Variants in BICRA observed in about 807,000 individuals in gnomAD.
BICRA encodes the protein BRD4 interacting chromatin remodeling complex associated protein, also known as BRD4-interacting chromatin-remodeling complex-associated protein.
BICRA carries 31 observed loss-of-function variants against 96.9 expected under a neutral mutation model. The observed-to-expected ratio is 0.32, with a 90% confidence interval of 0.24 to 0.43. The LOEUF (loss-of-function observed/expected upper bound fraction) is 0.43, where lower values mean the gene tolerates loss of function less well. Among genes scored for constraint, BICRA ranks in the 20% least tolerant of loss-of-function variants. BICRA has a pLI of 1.00. For missense variants in BICRA, 2,283 were observed against 2,190.3 expected (o/e 1.04, Z -0.84); for synonymous variants, 1,350 against 1,071.8 (o/e 1.26, Z -5.07).
chr19:47,645,673 C>G (rs1377720410), intron 1 of BICRA, among the ~76,000 whole-genome samples: 1 of 152,230 alleles, frequency 6.6e-6, no homozygotes, highest in Admixed American at 6.5e-5. Flanking sequence ...GTAATCCTGT[C>G]ACTCCTGGGG....
chr19:47,630,915 T>G (rs1972212718), intron 1 of BICRA, among the ~76,000 whole-genome samples: 1 of 152,104 alleles, frequency 6.6e-6, no homozygotes, highest in Admixed American at 6.6e-5. Context: ...TTGTAGTCTT[T>G]TATTTTTTTT....
At chr19:47,611,518 G>C (rs967921475) in intron 1 of BICRA, among the ~76,000 whole-genome samples, 13 of 152,180 alleles carry the variant, frequency 8.5e-5, no homozygotes, top group African/African-American at 2.9e-4. Flanking sequence ...GGCCCCATTT[G>C]CTGCTACTCA....
At chr19:47,617,718 G>C (rs1972006283) in intron 1 of BICRA, among the ~76,000 whole-genome samples, 1 of 151,264 alleles carries the variant, frequency 6.6e-6, no homozygotes. Context: ...TGAGAAAATA[G>C]CACAACCACC....
intron 7 of BICRA, among the ~76,000 whole-genome samples, chr19:47,687,074 T>C (rs1382872504): frequency 6.6e-6 from 1 of 152,206 alleles, no homozygotes; most frequent in Non-Finnish European, 1.5e-5. Context: ...GCAAACTTTC[T>C]TTTTGCTTAT....
chr19:47,679,965 G>C lies in BICRA; in HGVS notation c.795G>C (p.Ser265=). 1 of 1,489,336 alleles carries C rather than the reference G, an allele frequency of 6.7e-7. No homozygotes were observed. Among genetic ancestry groups the C allele is most frequent in the Non-Finnish European group, 8.9e-7 (1 of 1,126,884 alleles). The allele number at this position is 1,489,336 out of a possible 1,614,324, so 92.3% of individuals were successfully genotyped here. ...TGCCCGTCAGCGGCTACCTGGCCTC[G>C]GCGGCTGGCCCCTCGGAGCCCGTGA... ...KQVPVSGYLA[S]AAGPSEPVTL... is the part of the protein sequence containing the mutation. Residue 265 remains serine (S), a synonymous_variant, in exon 6 of 15, where the codon TCG becomes TCC. Coordinates refer to ENST00000594866, the MANE Select transcript of BICRA (RefSeq NM_001394372.1).
Position 47,632,246 on chromosome 19 carries a change from C to T in BICRA, c.-108+23078C>T, listed in dbSNP as rs115862609. ...GCGAGCATTTAGACTTTGGTGGCCC[C>T]GCCAAGTTGCATTCCAGAAAGGCTT... On this transcript the variant is annotated intron_variant, in intron 1 of 14. Transcript: ENST00000594866. Among the ~76,000 whole-genome samples, 1,274 of 152,340 alleles carry T rather than the reference C, an allele frequency of 8.4e-3. 15 individuals carry two copies. Among genetic ancestry groups the T allele is most frequent in the African/African-American group, 0.029 (1,188 of 41,576 alleles).
chr19:47,666,005 G>A (rs187143600), intron 1 of BICRA, among the ~76,000 whole-genome samples: 2 of 152,184 alleles, frequency 1.3e-5, no homozygotes, highest in African/African-American at 2.4e-5. Context: ...ATCAACAGTG[G>A]CAATTAAAAT....
chr19:47,682,427 A>G (rs1347538360), intron 7 of BICRA, among the ~76,000 whole-genome samples: 1 of 152,298 alleles, frequency 6.6e-6, no homozygotes, highest in African/African-American at 2.4e-5. Flanking sequence ...TGAATAAGTA[A>G]TACATTCAGA....
chr19:47,695,451 C>T lies in BICRA; in HGVS notation c.3163C>T (p.Pro1055Ser). ...TGTGGCCAAGGCCGCTTCCTCCGGGCCAGGGAAGCCCTCCGGGCTGCAGGT... is the reference window on the plus strand; with the variant it reads ...TGTGGCCAAGGCCGCTTCCTCCGGGTCAGGGAAGCCCTCCGGGCTGCAGGT... Reference protein sequence around the residue: ...LNVAKAASSGPGKPSGLQYES... With the variant: ...LNVAKAASSGSGKPSGLQYES... Residue 1055 changes from proline to serine, a missense_variant, in exon 10 of 15, where the codon CCA (proline) becomes TCA (serine). Pro to Ser is a moderately conservative substitution (Grantham distance 74). Coordinates refer to ENST00000594866, the MANE Select transcript of BICRA (RefSeq NM_001394372.1). 6.3e-7 allele frequency: 1 copy of T among 1,580,506 alleles called. No individual in the cohort carries two copies.
chr19:47,673,458 GA>G, intron 2 of BICRA, 111 bp from the exon 3 acceptor site: 1 of 804,696 alleles, frequency 1.2e-6, no homozygotes, highest in Non-Finnish European at 2.2e-6. Flanking sequence ...GGACTCAAGG[GA>G]ACAGAAACTC....
chr19:47,699,150 C>G lies in BICRA; in HGVS notation c.3492+91C>G. ...ACCCGCTCTGGGCAAGGTGGAGCCT[C>G]CCGCCCCTCCTAGCCCCGGGAGGGA... On this transcript the variant is annotated intron_variant, in intron 13 of 14. Coordinates refer to ENST00000594866, the MANE Select transcript of BICRA (RefSeq NM_001394372.1). The surrounding 1 kb of genome is among the most constrained non-coding windows in gnomAD (Gnocchi z 5.0). 3 of 1,011,986 alleles carry G rather than the reference C, an allele frequency of 3.0e-6. No homozygotes were observed. Among genetic ancestry groups the G allele is most frequent in the Middle Eastern group, 2.0e-4 (1 of 4,928 alleles). The allele number at this position is 1,011,986 out of a possible 1,614,324, so 62.7% of individuals were successfully genotyped here.
In BICRA at chr19:47,702,047, C is replaced by T. The variant is rs369242399; in HGVS notation, c.4315C>T (p.Leu1439=). The part of the protein sequence containing the change: ...IRELAAVEDE[L]YQRMLKGPPP... ...CGAGCTGGCGGCCGTGGAGGACGAG[C>T]TGTACCAGCGTATGCTGAAGGGCCC... The change falls in exon 15 of 15, where the codon CTG becomes TTG. Residue 1439 remains leucine, a synonymous_variant. Coordinates refer to ENST00000594866, the MANE Select transcript of BICRA (RefSeq NM_001394372.1). 1,879 of 1,498,546 alleles carry T rather than the reference C, an allele frequency of 1.3e-3. 5 individuals are homozygous for T. The highest frequency in any genetic ancestry group is 1.5e-3 in the Non-Finnish European group (1,668 of 1,132,768). The allele number at this position is 1,498,546 out of a possible 1,614,324, so 92.8% of individuals were successfully genotyped here. A position where few individuals can be genotyped will look rare whatever the true frequency, so the allele number is the denominator to read the frequency against.
chr19:47,690,514 G>C (rs2123601667), intron 7 of BICRA, among the ~76,000 whole-genome samples: 1 of 152,260 alleles, frequency 6.6e-6, no homozygotes, highest in Middle Eastern at 3.4e-3. Flanking sequence ...AATGCGACGG[G>C]TGGTAAATGG....
chr19:47,619,367 C>T (rs989590835), intron 1 of BICRA, among the ~76,000 whole-genome samples: 19 of 151,780 alleles, frequency 1.3e-4, no homozygotes, highest in Admixed American at 2.6e-4. Flanking sequence ...AAGACATTCT[C>T]CCTGCCTCAG....
chr19:47,686,243 T>C (rs1973157156), intron 7 of BICRA, among the ~76,000 whole-genome samples: 1 of 152,058 alleles, frequency 6.6e-6, no homozygotes, highest in South Asian at 2.1e-4. Context: ...AGAATTTCAT[T>C]TTATGTCACC....
rs1973494462 is a variant in BICRA, at chr19:47,702,970, A to G, written c.*555A>G. 1 of 78,922 alleles carries G rather than the reference A, an allele frequency of 1.3e-5. No individual in the cohort carries two copies. Among genetic ancestry groups the G allele is most frequent in the Non-Finnish European group, 2.2e-5 (1 of 46,352 alleles). The allele number at this position is 78,922 out of a possible 1,614,324, so 4.9% of individuals were successfully genotyped here. A position where few individuals can be genotyped will look rare whatever the true frequency, so the allele number is the denominator to read the frequency against. On this transcript the variant is annotated 3_prime_UTR_variant, in exon 15 of 15. Coordinates refer to ENST00000594866, the MANE Select transcript of BICRA (RefSeq NM_001394372.1). ...TGACATCCGCACGTCCAGCTCCGTG[A>G]CCTGTGTGTGTGTGTGTGTGCACAA... is the stretch of plus-strand genomic sequence containing the variant.
In BICRA at chr19:47,682,032, G is replaced by T. The variant is rs751457604; in HGVS notation, c.2163G>T (p.Ser721=). 8.3e-6 allele frequency: 13 copies of T among 1,568,532 alleles called. No homozygotes were observed. In the African/African-American group the frequency reaches 1.5e-4, roughly 18 times the overall value. The part of the protein sequence containing the change: ...AEGPHLSVPA[S]VIVSAPPPAQ... ...GCCCCCACCTCTCCGTGCCTGCCTC[G>T]GTCATAGTCAGCGCCCCGCCTCCCG... Residue 721 remains serine, a synonymous_variant, in exon 7 of 15, where the codon TCG becomes TCT. Transcript: ENST00000594866.
intron 1 of BICRA, among the ~76,000 whole-genome samples, chr19:47,656,108 A>ACACACACACG (rs1395595593): frequency 2.3e-5 from 3 of 128,942 alleles, no homozygotes; most frequent in South Asian, 5.7e-4. Context: ...ACACACACAC[A>ACACACACACG]CACTCTGAAT....
At chr19:47,654,941 A>T (rs1478692892) in intron 1 of BICRA, among the ~76,000 whole-genome samples, 1 of 152,100 alleles carries the variant, frequency 6.6e-6, no homozygotes, top group Non-Finnish European at 1.5e-5. Context: ...GGGTATTGTC[A>T]TGTGCAGGGG....
Sources: gnomAD v4.1 joint callset for allele counts (sites outside exome capture counted in the v4.1 genomes callset) on GRCh38, gnomAD v4.1.1 for gene constraint, Gnocchi (gnomAD v3.1) non-coding constraint, MANE v1.5 for transcripts, NCBI Gene and HGNC (gene_info 2026-07-23, HGNC 2026-07-21) for gene names.